ELAC2: variants seen among roughly 807,000 people sequenced by gnomAD.
ELAC2 encodes the protein elaC ribonuclease Z 2, also known as zinc phosphodiesterase ELAC protein 2.
In ELAC2, 92 loss-of-function variants were observed where a neutral mutation model predicts 105.2. The observed-to-expected ratio is 0.87, with a 90% confidence interval of 0.74 to 1.04. ELAC2 has a LOEUF of 1.04. ELAC2 is among the 50% of genes least tolerant of loss of function. The probability of loss-of-function intolerance (pLI) is 0.00; values close to 1 mark genes in which losing one functional copy is unlikely to be tolerated. For synonymous variants in ELAC2, 468 were observed against 409.1 expected (o/e 1.14, Z -1.74); for missense variants, 1,099 against 1,071.7 (o/e 1.03, Z -0.36).
chr17:13,017,941 C>T lies in ELAC2; in HGVS notation c.7G>A (p.Ala3Thr). 6.5e-7 allele frequency: 1 copy of T among 1,537,112 alleles called. No homozygotes were observed. Among genetic ancestry groups the T allele is most frequent in the Non-Finnish European group, 8.7e-7 (1 of 1,146,812 alleles). Residue 3 changes from alanine (A) to threonine (T), a missense_variant, in exon 1 of 24, where the codon GCG (alanine) becomes ACG (threonine). Transcript: ENST00000338034. ...GCGGACCGCAGCAGCGAGCAAAGCG[C>T]CCACATGCGCCCGTCTCCACCAAAA... MW[A>T]LCSLLRSAAG...
intron 17 of ELAC2, 138 bp downstream of exon 17, chr17:12,996,409 A>T: frequency 7.4e-7 from 1 of 1,347,394 alleles, no homozygotes; most frequent in Non-Finnish European, 1.0e-6. Flanking sequence ...TTTTGCAAAA[A>T]ACCATTTCCT....
chr17:12,993,695 G>A lies in ELAC2; in HGVS notation c.2245C>T (p.His749Tyr), dbSNP rs762471494. 1.4e-5 allele frequency: 22 copies of A among 1,614,036 alleles called. No homozygotes were observed. In the African/African-American group the frequency reaches 2.0e-4, roughly 15 times the overall value. The change falls in exon 23 of 24, where the codon CAC becomes TAC. Residue 749 changes from histidine to tyrosine, a missense_variant. Coordinates refer to ENST00000338034, the MANE Select transcript of ELAC2 (RefSeq NM_018127.7). ...FSEKVGVAFD[H>Y]MKVCFGDFPT... ...CCGTGTGACATACAGACCTTCATGT[G>A]GTCAAAGGCAACTCCCACTTTCTCG...
intron 17 of ELAC2, 151 bp downstream of exon 17, chr17:12,996,396 G>A: frequency 1.8e-6 from 2 of 1,113,792 alleles, no homozygotes; most frequent in Non-Finnish European, 2.7e-6. Context: ...GGACTATGTT[G>A]AGTTTTGCAA....
chr17:12,994,404 G>A, intron 22 of ELAC2, 21 bp downstream of exon 22: 4 of 1,614,032 alleles, frequency 2.5e-6, no homozygotes, highest in East Asian at 2.2e-5. Context: ...TGGGCGACAA[G>A]GACTGACCGG....
At chr17:12,996,514 G>A in intron 17 of ELAC2, 33 bp downstream of exon 17, 2 of 1,613,260 alleles carry the variant, frequency 1.2e-6, no homozygotes, top group South Asian at 1.1e-5. Context: ...GCCTCCTCCA[G>A]GCTCCAGCTT....
intron 14 of ELAC2, among the ~76,000 whole-genome samples, chr17:13,001,614 A>T (rs1201952681): frequency 1.3e-5 from 2 of 152,244 alleles, no homozygotes; most frequent in Non-Finnish European, 2.9e-5. Context: ...ATGGCATCTT[A>T]CATTTATCAA....
chr17:12,993,682 C>A lies in ELAC2; in HGVS notation c.2253+5G>T, dbSNP rs1320320549. The A allele has an allele frequency of 6.2e-7, 1 of 1,614,198 alleles. No individual in the cohort carries two copies. The highest frequency in any genetic ancestry group is 1.1e-5 in the South Asian group (1 of 91,088). The stretch of plus-strand genomic sequence containing the variant: ...CGCCCTGTGCTGTCCGTGTGACATA[C>A]AGACCTTCATGTGGTCAAAGGCAAC... On this transcript the variant is annotated splice_donor_5th_base_variant and intron_variant, in intron 23 of 23. Coordinates refer to ENST00000338034, the MANE Select transcript of ELAC2 (RefSeq NM_018127.7).
intron 23 of ELAC2, among the ~76,000 whole-genome samples, chr17:12,993,406 T>G (rs1054090002): frequency 9.2e-5 from 14 of 152,214 alleles, no homozygotes; most frequent in Non-Finnish European, 1.6e-4. Flanking sequence ...CTCACAGGTC[T>G]GTGCTGAGGC....
At chr17:12,996,182 C>T (rs2143565778) in intron 17 of ELAC2, 1 of 695,020 alleles carries the variant, frequency 1.4e-6, no homozygotes, top group Non-Finnish European at 2.5e-6. Context: ...ACGACCCGTG[C>T]TGGGAAGAGG....
chr17:13,010,313 G>T (rs532612078), intron 8 of ELAC2, among the ~76,000 whole-genome samples: 1 of 152,242 alleles, frequency 6.6e-6, no homozygotes, highest in African/African-American at 2.4e-5. Context: ...TGGGATTACA[G>T]GCATGCGCCA....
At position 12,995,690 on chromosome 17, in the gene ELAC2, C is replaced by G; in HGVS notation, c.1808+13G>C. 6.2e-7 allele frequency: 1 copy of G among 1,604,092 alleles called. No individual in the cohort carries two copies. Among genetic ancestry groups the G allele is most frequent in the African/African-American group, 1.3e-5 (1 of 74,740 alleles). ...GCAACAGCCCAGCGGGCCAGGCTGC[C>G]CTGGATGCTCACCTGATGTGGTGCA... On this transcript the variant is annotated intron_variant, in intron 19 of 23. Transcript: ENST00000338034.
intron 10 of ELAC2, 83 bp from the exon 11 acceptor site, chr17:13,005,184 A>G (rs2041036117): frequency 1.1e-6 from 1 of 937,566 alleles, no homozygotes; most frequent in Admixed American, 1.7e-5. Context: ...TGCTAACATG[A>G]CATATCCTAT....
At chr17:12,996,067 T>C (rs1240433650) in intron 17 of ELAC2, 89 bp from the exon 18 acceptor site, 2 of 1,447,504 alleles carry the variant, frequency 1.4e-6, no homozygotes, top group Non-Finnish European at 1.9e-6. Context: ...TTGCAGGAGT[T>C]GCCAGCCCGA....
intron 4 of ELAC2, 34 bp from the exon 5 acceptor site, chr17:13,014,530 T>C: frequency 6.7e-7 from 1 of 1,501,142 alleles, no homozygotes; most frequent in Non-Finnish European, 9.3e-7. Context: ...CAGTTATGGT[T>C]GAACAAATGT....
Position 13,000,654 on chromosome 17 carries a change from C to T in ELAC2, c.1305-380G>A, listed in dbSNP as rs755122546. The stretch of plus-strand genomic sequence containing the variant: ...AATGTCCTCTGAGGGGTCAATGGTC[C>T]GAGCTGAGAAGCAGGGGCCCTAGAG... On this transcript the variant is annotated intron_variant, in intron 14 of 23. Coordinates refer to ENST00000338034, the MANE Select transcript of ELAC2 (RefSeq NM_018127.7). 8 of 321,576 alleles carry T rather than the reference C, an allele frequency of 2.5e-5. No homozygotes were observed. The East Asian group carries it at 3.9e-4, about 16-fold the overall frequency. 19.9% of individuals were successfully genotyped at this position (321,576 alleles called of 1,614,324 possible). A position where few individuals can be genotyped will look rare whatever the true frequency, so the allele number is the denominator to read the frequency against.
chr17:13,002,194 G>A (rs567400150), intron 14 of ELAC2, 80 bp downstream of exon 14: 16 of 1,477,926 alleles, frequency 1.1e-5, no homozygotes, highest in Non-Finnish European at 1.5e-5. Flanking sequence ...GAGCCTCCTG[G>A]AACATTTACT....
Position 13,005,818 on chromosome 17 carries a change from C to G in ELAC2, c.805G>C (p.Ala269Pro), listed in dbSNP as rs758088118. 1 of 1,614,178 alleles carries G rather than the reference C, an allele frequency of 6.2e-7. No individual in the cohort carries two copies. Among genetic ancestry groups the G allele is most frequent in the South Asian group, 1.1e-5 (1 of 91,078 alleles). The change falls in exon 10 of 24, where the codon GCT (alanine) becomes CCT (proline). Residue 269 changes from alanine to proline, a missense_variant. By Grantham distance (27) the Ala-to-Pro change is conservative. Coordinates refer to ENST00000338034, the MANE Select transcript of ELAC2 (RefSeq NM_018127.7). ...GCAGCAATGATGGGAGCGATGGCAG[C>G]TGTCCCACTGAAATGAAGAGGCAAG... is the stretch of plus-strand genomic sequence containing the variant. ...AKEMGLPVGT[A>P]AIAPIIAAVK...
At chr17:12,998,288 G>T in intron 16 of ELAC2, 124 bp downstream of exon 16, 1 of 959,406 alleles carries the variant, frequency 1.0e-6, no homozygotes, top group Non-Finnish European at 1.7e-6. Context: ...GGACACTCCA[G>T]TCGACATGAC....
intron 8 of ELAC2, among the ~76,000 whole-genome samples, chr17:13,007,388 T>C (rs1179355543): frequency 1.3e-5 from 2 of 152,206 alleles, no homozygotes; most frequent in Admixed American, 1.3e-4. Flanking sequence ...TCTGAAATCC[T>C]TATTCTCAGG....
Sources: gnomAD v4.1 joint callset for allele counts (sites outside exome capture counted in the v4.1 genomes callset) on GRCh38, gnomAD v4.1.1 for gene constraint, MANE v1.5 for transcripts, NCBI Gene and HGNC (gene_info 2026-07-23, HGNC 2026-07-21) for gene names.